Variants in UGT1A4 observed in about 807,000 individuals in gnomAD.
The protein encoded by UGT1A4 is UDP glucuronosyltransferase family 1 member A4, also known as UDP-glucuronosyltransferase 1A4.
Under a neutral mutation model 41.1 loss-of-function variants are expected in UGT1A4, and 32 were observed. The observed-to-expected ratio is 0.78, with a 90% CI of 0.59 to 1.05. The LOEUF is 1.05. Ranked by LOEUF, UGT1A4 falls within the 50% of genes least tolerant of loss-of-function variation. The probability of loss-of-function intolerance (pLI) is 0.00; values close to 1 mark genes in which losing one functional copy is unlikely to be tolerated. For missense variants in UGT1A4, 748 were observed against 677.4 expected (o/e 1.10, Z -1.16); for synonymous variants, 283 against 265.1 (o/e 1.07, Z -0.66).
intron 1 of UGT1A4, among the ~76,000 whole-genome samples, chr2:233,766,008 T>C (rs901073626): frequency 2.6e-5 from 4 of 152,174 alleles, no homozygotes; most frequent in Non-Finnish European, 5.9e-5. Context: ...GCGTGGGTTA[T>C]GGCCTTCTTT....
chr2:233,744,946 A>G (rs563141954), intron 1 of UGT1A4, among the ~76,000 whole-genome samples: 4 of 152,034 alleles, frequency 2.6e-5, no homozygotes, highest in African/African-American at 7.3e-5. Context: ...CAGTATTTGT[A>G]TATAACCTAC....
Position 233,772,748 on chromosome 2 carries a change from T to C in UGT1A4, c.*189T>C. 7.0e-7 allele frequency: 1 copy of C among 1,420,206 alleles called. No individual in the cohort carries two copies. The highest frequency in any genetic ancestry group is 9.2e-7 in the Non-Finnish European group (1 of 1,083,550). The allele number at this position is 1,420,206 out of a possible 1,614,324, so 88.0% of individuals were successfully genotyped here. A position where few individuals can be genotyped will look rare whatever the true frequency, so the allele number is the denominator to read the frequency against. ...AGACTCGCTAGTCAGTAAAGATATT[T>C]GAATATGTATCGTGCCCCCTCTGGT... On this transcript the variant is annotated 3_prime_UTR_variant, in exon 5 of 5. Transcript: ENST00000373409.
At chr2:233,751,464 G>A (rs575888468) in intron 1 of UGT1A4, among the ~76,000 whole-genome samples, 3 of 152,310 alleles carry the variant, frequency 2.0e-5, no homozygotes, top group East Asian at 1.9e-4. Flanking sequence ...GGGAAGGCAC[G>A]ATTGGTTTTG....
At chr2:233,743,335 G>C (rs534297671) in intron 1 of UGT1A4, 1 of 800,282 alleles carries the variant, frequency 1.2e-6, no homozygotes, top group East Asian at 6.3e-5. Flanking sequence ...AACTATTTCA[G>C]TGGAAGTCGA....
intron 1 of UGT1A4, among the ~76,000 whole-genome samples, chr2:233,737,542 G>A (rs1380608470): frequency 6.6e-6 from 1 of 152,180 alleles, no homozygotes; most frequent in East Asian, 1.9e-4. Flanking sequence ...CCCTGCTTCG[G>A]CTTGCCCTCA....
At chr2:233,762,404 G>A (rs1193458401) in intron 1 of UGT1A4, among the ~76,000 whole-genome samples, 1 of 152,070 alleles carries the variant, frequency 6.6e-6, no homozygotes, top group Non-Finnish European at 1.5e-5. Flanking sequence ...AAATTTTTTG[G>A]TTGCTTTTTC....
chr2:233,748,022 G>A, intron 1 of UGT1A4: 2 of 1,613,526 alleles, frequency 1.2e-6, no homozygotes, highest in South Asian at 2.2e-5. Flanking sequence ...GGCCGATCAT[G>A]CCCAACATGG....
chr2:233,733,214 A>G (rs920142608), intron 1 of UGT1A4, among the ~76,000 whole-genome samples: 2 of 152,180 alleles, frequency 1.3e-5, no homozygotes, highest in African/African-American at 4.8e-5. Flanking sequence ...TTGGGCTGAG[A>G]CAATGGGGTT....
intron 1 of UGT1A4, among the ~76,000 whole-genome samples, chr2:233,751,050 G>T (rs1201577547): frequency 6.6e-6 from 1 of 151,910 alleles, no homozygotes; most frequent in Non-Finnish European, 1.5e-5. Context: ...GCCTGGAAAA[G>T]ACACAGACAC....
chr2:233,759,167 C>T (rs1180599090), intron 1 of UGT1A4, among the ~76,000 whole-genome samples: 1 of 152,178 alleles, frequency 6.6e-6, no homozygotes, highest in African/African-American at 2.4e-5. Flanking sequence ...ACAAGGCAGG[C>T]AGGTTTCACG....
rs1205477836 is a variant in UGT1A4 at position 233,760,858 on chromosome 2, TC to T, written c.868-6174del. 2.5e-6 allele frequency: 4 copies of T among 1,613,972 alleles called. No homozygotes were observed. In the African/African-American group the frequency reaches 4.0e-5, roughly 16 times the overall value. On this transcript the variant is annotated intron_variant, in intron 1 of 4. Transcript: ENST00000373409. ...GGCTACCCAGTGCCCCAACCCATTC[TC>T]CTACGTGCCCAGGCCTCTCTCCTCT... is the stretch of plus-strand genomic sequence containing the variant.
rs797046090 is a variant in UGT1A4, at chr2:233,760,524, C to CCGTA, written c.868-6509_868-6508insGTAC. ...GAGCATTTTACACCTTGAAGACGTA[C>CCGTA]CCTGTGCCATTCCAAAGGGAGGATG... On this transcript the variant is annotated intron_variant, in intron 1 of 4. Coordinates refer to ENST00000373409, the MANE Select transcript of UGT1A4 (RefSeq NM_007120.3). The CCGTA allele has an allele frequency of 6.2e-7, 1 of 1,614,240 alleles. No homozygotes were observed. The highest frequency in any genetic ancestry group is 1.6e-4 in the Middle Eastern group (1 of 6,062).
intron 1 of UGT1A4, among the ~76,000 whole-genome samples, chr2:233,762,360 A>G (rs1698052842): frequency 6.6e-6 from 1 of 152,238 alleles, no homozygotes; most frequent in Non-Finnish European, 1.5e-5. Context: ...TACTCCAGCT[A>G]TTACATACCA....
At chr2:233,747,626 C>T (rs546895525) in intron 1 of UGT1A4, 3 of 1,577,388 alleles carry the variant, frequency 1.9e-6, no homozygotes, top group Admixed American at 1.7e-5. Flanking sequence ...AGGCCCTGAT[C>T]AGGCACCTGA....
At chr2:233,730,041 T>G in intron 1 of UGT1A4, 1 of 1,612,628 alleles carries the variant, frequency 6.2e-7, no homozygotes, top group South Asian at 1.1e-5. Flanking sequence ...CAAAACACTT[T>G]TTAAAAAAAT....
Position 233,722,695 on chromosome 2 carries a change from T to C in UGT1A4, c.867+3008T>C, listed in dbSNP as rs1001983756. Among the ~76,000 whole-genome samples the C allele has an allele frequency of 3.3e-5, 5 of 152,186 alleles. No individual in the cohort carries two copies. In the East Asian group the frequency reaches 9.6e-4, roughly 29 times the overall value. On this transcript the variant is annotated intron_variant, in intron 1 of 4. Transcript: ENST00000373409. Reference sequence around the variant, plus strand: ...TAAAAATTGCTGTTCTTTTCATTGCTTTTAGATAATTTAAATATCAGTTTT... The same window carrying C: ...TAAAAATTGCTGTTCTTTTCATTGCCTTTAGATAATTTAAATATCAGTTTT...
rs996102742 is a variant in UGT1A4 at position 233,755,058 on chromosome 2, G to A, written c.868-11976G>A. The A allele has an allele frequency of 3.7e-6, 5 of 1,333,560 alleles. No homozygotes were observed. In the African/African-American group the frequency reaches 6.0e-5, roughly 16 times the overall value. The allele number at this position is 1,333,560 out of a possible 1,614,324, so 82.6% of individuals were successfully genotyped here. On this transcript the variant is annotated intron_variant, in intron 1 of 4. Transcript: ENST00000373409. The stretch of plus-strand genomic sequence containing the variant: ...GCCTGCGCAGCCGCCCTCCGCCCTC[G>A]CCTCGCCATAGCGGTCATAGATATC...
chr2:233,760,198 T>C (rs907119126), intron 1 of UGT1A4: 1 of 1,579,636 alleles, frequency 6.3e-7, no homozygotes, highest in Admixed American at 1.7e-5. Context: ...CGTGACACAG[T>C]CAAACATTAA....
chr2:233,748,732 T>A (rs1233122564), intron 1 of UGT1A4, among the ~76,000 whole-genome samples: 1 of 151,606 alleles, frequency 6.6e-6, no homozygotes, highest in East Asian at 1.9e-4. Context: ...TGTGGGGACA[T>A]CTCAGAGTTC....
Sources: gnomAD v4.1 joint callset for allele counts (sites outside exome capture counted in the v4.1 genomes callset) on GRCh38, gnomAD v4.1.1 for gene constraint, MANE v1.5 for transcripts, NCBI Gene and HGNC (gene_info 2026-07-23, HGNC 2026-07-21) for gene names.